CACNA1C: variants seen among roughly 807,000 people sequenced by gnomAD.
The protein encoded by CACNA1C is calcium voltage-gated channel subunit alpha1 C.
In CACNA1C, 30 loss-of-function variants were observed where a neutral mutation model predicts 229.0. That is an observed-to-expected ratio of 0.13 (90% CI 0.10 to 0.18). The LOEUF (loss-of-function observed/expected upper bound fraction) is 0.18. Among genes scored for constraint, CACNA1C ranks in the 10% least tolerant of loss-of-function variants. The pLI is 1.00. For synonymous variants in CACNA1C, 1,114 were observed against 1,132.5 expected (o/e 0.98, Z 0.33); for missense variants, 1,658 against 2,845.0 (o/e 0.58, Z 9.49).
chr12:2,059,626 G>T (rs747847192), intron 1 of CACNA1C, among the ~76,000 whole-genome samples: 1 of 152,132 alleles, frequency 6.6e-6, no homozygotes, highest in Non-Finnish European at 1.5e-5. Flanking sequence ...AAGGGGCTAG[G>T]CTCTGGTTCG....
At chr12:2,432,176 G>A (rs1287787639) in intron 3 of CACNA1C, among the ~76,000 whole-genome samples, 1 of 152,218 alleles carries the variant, frequency 6.6e-6, no homozygotes, top group Non-Finnish European at 1.5e-5. Context: ...TTTTAAATTA[G>A]ATCTGCCTTC....
In CACNA1C at chr12:2,203,989, A is replaced by G. The variant is rs375182271; in HGVS notation, c.477+83559A>G. On this transcript the variant is annotated intron_variant, in intron 3 of 46. Coordinates refer to ENST00000399655, the MANE Select transcript of CACNA1C (RefSeq NM_000719.7). The stretch of plus-strand genomic sequence containing the variant: ...TTTTGGACATTAAATGATGCTTGCA[A>G]AACAACAATGTGATGAGTTAGGAAT... Among the ~76,000 whole-genome samples, 59 of 152,322 alleles carry G rather than the reference A, an allele frequency of 3.9e-4. 1 individual carries two copies. In the South Asian group the frequency reaches 0.012, roughly 30 times the overall value.
chr12:2,567,348 A>G (rs1294915948), intron 12 of CACNA1C, among the ~76,000 whole-genome samples: 1 of 152,222 alleles, frequency 6.6e-6, no homozygotes, highest in Non-Finnish European at 1.5e-5. Context: ...TGCTGAGCCT[A>G]TGGTGCATGG....
chr12:2,078,495 C>A (rs2064099620), intron 1 of CACNA1C, among the ~76,000 whole-genome samples: 2 of 152,186 alleles, frequency 1.3e-5, no homozygotes, highest in South Asian at 4.1e-4. Context: ...AGGATGAATA[C>A]TGCATGATCC....
chr12:2,290,965 CA>C (rs2093433364), intron 3 of CACNA1C, among the ~76,000 whole-genome samples: 1 of 152,180 alleles, frequency 6.6e-6, no homozygotes, highest in Non-Finnish European at 1.5e-5. Context: ...AAAGTGATAT[CA>C]GGGGGTTTAC....
chr12:1,998,263 A>G (rs1185648207), intron 1 of CACNA1C, among the ~76,000 whole-genome samples: 1 of 152,244 alleles, frequency 6.6e-6, no homozygotes, highest in Non-Finnish European at 1.5e-5. Flanking sequence ...TGAAACAATG[A>G]GAAAATAAGT....
intron 34 of CACNA1C, chr12:2,659,883 G>T: frequency 6.5e-6 from 1 of 154,678 alleles, no homozygotes. Flanking sequence ...AGAATGATAA[G>T]AGAATTTCAT....
chr12:2,451,539 G>A, intron 4 of CACNA1C, among the ~76,000 whole-genome samples: 1 of 152,216 alleles, frequency 6.6e-6, no homozygotes, highest in Non-Finnish European at 1.5e-5. Context: ...CGGGGGAGCA[G>A]AGACAAGAAA....
At chr12:2,101,144 C>A (rs547199554) in intron 1 of CACNA1C, among the ~76,000 whole-genome samples, 1 of 152,170 alleles carries the variant, frequency 6.6e-6, no homozygotes, top group Admixed American at 6.5e-5. Flanking sequence ...TTCATGGCTT[C>A]CTAAAATGCT....
chr12:2,355,924 G>A (rs1311460650), intron 3 of CACNA1C, among the ~76,000 whole-genome samples: 4 of 152,270 alleles, frequency 2.6e-5, no homozygotes, highest in East Asian at 3.9e-4. Flanking sequence ...CTCCTTCCTG[G>A]GAGCTCCCAG....
At chr12:2,052,752 G>A (rs1258620725), upstream of CACNA1C, among the ~76,000 whole-genome samples, 1 of 145,630 alleles carries the variant, frequency 6.9e-6, no homozygotes, top group Non-Finnish European at 1.5e-5. Flanking sequence ...GGGCTCGCTC[G>A]GGCGGCGCTG....
chr12:2,297,797 A>ATC (rs1449222971), intron 3 of CACNA1C, among the ~76,000 whole-genome samples: 1 of 152,200 alleles, frequency 6.6e-6, no homozygotes, highest in Non-Finnish European at 1.5e-5. Flanking sequence ...ATATACGTGT[A>ATC]TCTGTCTGAA....
rs2097700338 is a variant in CACNA1C at position 2,689,497 on chromosome 12, G to C, written c.6117+718G>C. ...AAAGGGTGGCAGGCTCAGCCCACCA[G>C]CGGACAGATTTCAGCTCACATGGGG... On this transcript the variant is annotated intron_variant, in intron 46 of 46. Transcript: ENST00000399655. The surrounding 1 kb of genome is among the most constrained non-coding windows in gnomAD (Gnocchi z 4.2). Among the ~76,000 whole-genome samples the C allele has an allele frequency of 6.6e-6, 1 of 152,104 alleles. No individual in the cohort carries two copies. The highest frequency in any genetic ancestry group is 2.4e-5 in the African/African-American group (1 of 41,416).
At chr12:2,489,084 A>G (rs1182880721) in intron 6 of CACNA1C, among the ~76,000 whole-genome samples, 1 of 152,148 alleles carries the variant, frequency 6.6e-6, no homozygotes, top group Non-Finnish European at 1.5e-5. Context: ...AAACTTTGGA[A>G]TGGGTGGTTT....
intron 14 of CACNA1C, among the ~76,000 whole-genome samples, chr12:2,582,295 T>C (rs1034392982): frequency 6.6e-6 from 1 of 152,176 alleles, no homozygotes; most frequent in South Asian, 2.1e-4. Flanking sequence ...GAAAAAAATA[T>C]TACTAGCCCA....
rs982767560 is a variant in CACNA1C, at chr12:2,605,924, C to G, written c.3156+138C>G. ...TTGGATATAACCTCCACCTGCAGCC[C>G]GACTCAACCTTCAGACCAGGGTAGG... On this transcript the variant is annotated intron_variant, in intron 24 of 46. Coordinates refer to ENST00000399655, the MANE Select transcript of CACNA1C (RefSeq NM_000719.7). The surrounding 1 kb of genome is among the most constrained non-coding windows in gnomAD (Gnocchi z 6.2). The G allele has an allele frequency of 1.5e-6, 1 of 645,426 alleles. No individual in the cohort carries two copies. Among genetic ancestry groups the G allele is most frequent in the African/African-American group, 1.8e-5 (1 of 55,066 alleles). 40.0% of individuals were successfully genotyped at this position (645,426 alleles called of 1,614,324 possible).
chr12:2,052,323 C>G (rs950022633), upstream of CACNA1C, among the ~76,000 whole-genome samples: 1 of 152,146 alleles, frequency 6.6e-6, no homozygotes, highest in Non-Finnish European at 1.5e-5. Context: ...TTCCCCTCCC[C>G]TCCTCTATCT....
chr12:2,383,239 A>C (rs2154546038), intron 3 of CACNA1C, among the ~76,000 whole-genome samples: 1 of 152,272 alleles, frequency 6.6e-6, no homozygotes, highest in South Asian at 2.1e-4. Flanking sequence ...TCAGGAAAAG[A>C]AGGGTGGGTG....
intron 34 of CACNA1C, among the ~76,000 whole-genome samples, chr12:2,663,835 G>C (rs951769252): frequency 7.2e-6 from 1 of 138,560 alleles, no homozygotes; most frequent in African/African-American, 2.8e-5. Context: ...TCCGCCTCCC[G>C]GGTTCACGCC....
Sources: allele counts gnomAD v4.1 joint callset (sites outside exome capture counted in the v4.1 genomes callset), GRCh38; gene constraint gnomAD v4.1.1; non-coding constraint Gnocchi (gnomAD v3.1); transcripts MANE v1.5; gene names NCBI Gene and HGNC (gene_info 2026-07-23, HGNC 2026-07-21).